Variants in TBC1D22B observed in about 807,000 individuals in gnomAD.
TBC1D22B encodes the protein TBC1 domain family member 22B.
TBC1D22B carries 32 observed loss-of-function variants against 69.1 expected under a neutral mutation model. That is an observed-to-expected ratio of 0.46 (90% CI 0.35 to 0.62). The LOEUF (loss-of-function observed/expected upper bound fraction) is 0.62, where lower values mean the gene tolerates loss of function less well. TBC1D22B is among the 20% of genes least tolerant of loss of function. TBC1D22B has a pLI of 0.00. For synonymous variants in TBC1D22B, 206 were observed against 229.8 expected (o/e 0.90, Z 0.94); for missense variants, 462 against 630.9 (o/e 0.73, Z 2.87).
rs200334468 is a variant in TBC1D22B, at chr6:37,282,922, G to T, written c.642G>T (p.Glu214Asp). 1.4e-4 allele frequency: 218 copies of T among 1,613,864 alleles called. No homozygotes were observed. The highest frequency in any genetic ancestry group is 1.8e-4 in the Non-Finnish European group (214 of 1,179,892). The change falls in exon 5 of 13, where the codon GAG becomes GAT. Residue 214 changes from glutamate to aspartate, a missense_variant. By Grantham distance (45) the Glu-to-Asp change is conservative. Around this residue, in one of 2 missense-constraint regions of TBC1D22B, gnomAD observed 225 missense variants for 375.4 expected, o/e 0.60. Coordinates refer to ENST00000373491, the MANE Select transcript of TBC1D22B (RefSeq NM_017772.4). ...GTAGCTGGCCAGGGGTTCCCAGGGA[G>T]GTTCGACCTATAACCTGGAGACTCC... ...RKCSWPGVPR[E>D]VRPITWRLLS...
At chr6:37,293,524 C>T (rs773850123) in intron 8 of TBC1D22B, among the ~76,000 whole-genome samples, 3 of 152,158 alleles carry the variant, frequency 2.0e-5, no homozygotes, top group Non-Finnish European at 4.4e-5. Context: ...TCTGATTGCT[C>T]CACCAGCTGG....
chr6:37,318,339 G>A lies in TBC1D22B; in HGVS notation c.1389+1133G>A, dbSNP rs1581630717. Among the ~76,000 whole-genome samples, 10 of 152,198 alleles carry A rather than the reference G, an allele frequency of 6.6e-5. No homozygotes were observed. The South Asian group carries it at 2.1e-3, about 31-fold the overall frequency. On this transcript the variant is annotated intron_variant, in intron 12 of 12. Coordinates refer to ENST00000373491, the MANE Select transcript of TBC1D22B (RefSeq NM_017772.4). ...GGATGGCTTTACAGTTTATGGAGAA[G>A]GCTACAGGATGGCTTTATGGTTTAT...
chr6:37,286,672 G>T (rs1280729430), intron 6 of TBC1D22B, among the ~76,000 whole-genome samples: 1 of 151,556 alleles, frequency 6.6e-6, no homozygotes, highest in East Asian at 2.0e-4. Flanking sequence ...GGCCAGGCAC[G>T]GTGGCTCACA....
At chr6:37,314,628 G>A (rs1768023351) in intron 10 of TBC1D22B, among the ~76,000 whole-genome samples, 2 of 152,132 alleles carry the variant, frequency 1.3e-5, no homozygotes, top group African/African-American at 2.4e-5. Context: ...GAGAGAAGTC[G>A]GTGGGATCTC....
rs112564904 is a variant in TBC1D22B at position 37,329,204 on chromosome 6, T to C, written c.1390-1840T>C. ...ATGTGTACATGTACATATACAAATA[T>C]ATTGTTGTGTTTTTTCTTTTACCTA... On this transcript the variant is annotated intron_variant, in intron 12 of 12. Coordinates refer to ENST00000373491, the MANE Select transcript of TBC1D22B (RefSeq NM_017772.4). Among the ~76,000 whole-genome samples the C allele has an allele frequency of 3.2e-3, 488 of 152,316 alleles. 1 individual carries two copies. The highest frequency in any genetic ancestry group is 0.011 in the African/African-American group (445 of 41,562).
Position 37,280,197 on chromosome 6 carries a change from A to G in TBC1D22B, c.421+586A>G, listed in dbSNP as rs551036402. Among the ~76,000 whole-genome samples, 192 of 152,282 alleles carry G rather than the reference A, an allele frequency of 1.3e-3. 2 individuals carry two copies. The South Asian group carries it at 0.018, about 14-fold the overall frequency. On this transcript the variant is annotated intron_variant, in intron 3 of 12. Transcript: ENST00000373491. Reference sequence around the variant, plus strand: ...TCTTTTCGGGAAACTGGCCACAGTAATGGTTGATGTGTTGGTGGTTTTATT... The same window carrying G: ...TCTTTTCGGGAAACTGGCCACAGTAGTGGTTGATGTGTTGGTGGTTTTATT...
In TBC1D22B at chr6:37,317,114, G is replaced by A. The variant is rs1313458708; in HGVS notation, c.1297G>A (p.Glu433Lys). 6.4e-7 allele frequency: 1 copy of A among 1,566,820 alleles called. No homozygotes were observed. The highest frequency in any genetic ancestry group is 8.7e-7 in the Non-Finnish European group (1 of 1,153,734). The change falls in exon 12 of 13, where the codon GAA becomes AAA. Residue 433 changes from glutamate to lysine, a missense_variant. By Grantham distance (56) the Glu-to-Lys change is moderately conservative. Around this residue, in one of 2 missense-constraint regions of TBC1D22B, gnomAD observed 225 missense variants for 375.4 expected, o/e 0.60. Transcript: ENST00000373491. The stretch of plus-strand genomic sequence containing the variant: ...ACTCTATTTTTCTGCTTCCCAGTCT[G>A]AACCAGAAGGGTTCTCCCACTTTCA... ...TIRLWDTYQS[E>K]PEGFSHFHLY...
intron 2 of TBC1D22B, among the ~76,000 whole-genome samples, chr6:37,279,021 G>A (rs896166059): frequency 2.0e-5 from 3 of 152,138 alleles, no homozygotes; most frequent in African/African-American, 7.2e-5. Context: ...TCCATTGGCC[G>A]GTATTGGTCA....
intron 3 of TBC1D22B, among the ~76,000 whole-genome samples, chr6:37,279,882 T>A (rs1308616729): frequency 6.6e-6 from 1 of 152,250 alleles, no homozygotes; most frequent in Non-Finnish European, 1.5e-5. Context: ...TTCCTTTCCC[T>A]GTGGTGGAGT....
chr6:37,299,240 C>G (rs1767489443), intron 8 of TBC1D22B, among the ~76,000 whole-genome samples: 1 of 152,116 alleles, frequency 6.6e-6, no homozygotes, highest in African/African-American at 2.4e-5. Flanking sequence ...AATCATTTAC[C>G]TATTTTTTCT....
intron 11 of TBC1D22B, 49 bp downstream of exon 11, chr6:37,316,879 C>G: frequency 6.2e-7 from 1 of 1,611,766 alleles, no homozygotes; most frequent in South Asian, 1.1e-5. Flanking sequence ...TCTGAGGTGT[C>G]CAGCTCTCTG....
At chr6:37,271,849 C>CTT (rs35838317) in intron 2 of TBC1D22B, among the ~76,000 whole-genome samples, 11 of 120,886 alleles carry the variant, frequency 9.1e-5, no homozygotes, top group South Asian at 2.8e-4. Flanking sequence ...AAGGTGCATG[C>CTT]TTTTTTTTTT....
chr6:37,270,703 G>A (rs376155), intron 2 of TBC1D22B, among the ~76,000 whole-genome samples: 2,045 of 152,188 alleles, frequency 0.013, 39 homozygotes, highest in African/African-American at 0.045. Flanking sequence ...CTATTTGGGG[G>A]CATGCTTAAT....
Position 37,332,882 on chromosome 6 carries a change from T to C in TBC1D22B, c.*1710T>C, listed in dbSNP as rs1388273834. ...GAAAGACACTTGTGTTCCCAAGTGGTGGTTTTATTTTTTTAGTTTTTATGT... is the reference window on the plus strand; with the variant it reads ...GAAAGACACTTGTGTTCCCAAGTGGCGGTTTTATTTTTTTAGTTTTTATGT... On this transcript the variant is annotated 3_prime_UTR_variant, in exon 13 of 13. Transcript: ENST00000373491. 6.6e-6 allele frequency: 1 copy of C among 152,564 alleles called. No homozygotes were observed. The highest frequency in any genetic ancestry group is 1.5e-5 in the Non-Finnish European group (1 of 68,044). The allele number at this position is 152,564 out of a possible 1,614,324, so 9.5% of individuals were successfully genotyped here.
chr6:37,267,362 TA>T (rs1766319845), intron 1 of TBC1D22B, among the ~76,000 whole-genome samples: 2 of 113,906 alleles, frequency 1.8e-5, no homozygotes, highest in East Asian at 2.2e-4. Flanking sequence ...CACACATATA[TA>T]ATATATATAC....
chr6:37,275,966 C>CTTTTTTTTTTTTT (rs149995165), intron 2 of TBC1D22B, among the ~76,000 whole-genome samples: 3 of 133,218 alleles, frequency 2.3e-5, no homozygotes, highest in African/African-American at 5.6e-5. Context: ...TTCTTTTTTT[C>CTTTTTTTTTTTTT]TTTTTTTTTT....
At chr6:37,286,252 T>C (rs1488667539) in intron 6 of TBC1D22B, among the ~76,000 whole-genome samples, 7 of 152,220 alleles carry the variant, frequency 4.6e-5, no homozygotes, top group African/African-American at 1.7e-4. Flanking sequence ...TATAACTAGA[T>C]TTTTTTCCTG....
At chr6:37,308,287 T>G (rs1163250738) in intron 8 of TBC1D22B, among the ~76,000 whole-genome samples, 1 of 152,186 alleles carries the variant, frequency 6.6e-6, no homozygotes, top group Non-Finnish European at 1.5e-5. Context: ...GCTTCAATTA[T>G]GTGTTGAATT....
intron 8 of TBC1D22B, among the ~76,000 whole-genome samples, chr6:37,298,650 A>G (rs1284565647): frequency 7.1e-6 from 1 of 140,806 alleles, no homozygotes; most frequent in African/African-American, 2.7e-5. Flanking sequence ...GGTTCACGCC[A>G]TTCTCTTGCC....
Sources: allele counts gnomAD v4.1 joint callset (sites outside exome capture counted in the v4.1 genomes callset), GRCh38; gene constraint gnomAD v4.1.1; regional missense constraint gnomAD v4.1.1; transcripts MANE v1.5; gene names NCBI Gene and HGNC (gene_info 2026-07-23, HGNC 2026-07-21).